Variants in CENPK observed in about 807,000 individuals in gnomAD.
CENPK encodes the protein centromere protein K.
Under a neutral mutation model 40.9 loss-of-function variants are expected in CENPK, and 46 were observed. The ratio of observed to expected loss-of-function variants is 1.13; its 90% CI spans 0.89 to 1.44. The LOEUF is 1.44. CENPK is among the 40% of genes most tolerant of loss of function. CENPK has a pLI of 0.00. For synonymous variants in CENPK, 107 were observed against 104.4 expected, an observed-to-expected ratio of 1.02 and a Z score of -0.15; for missense variants, 288 against 303.5, an observed-to-expected ratio of 0.95 and a Z score of 0.38.
At chr5:65,511,644 T>C in the CENPK span, among the ~76,000 whole-genome samples, 2 of 152,176 alleles carry the variant, frequency 1.3e-5, no homozygotes, top group African/African-American at 4.8e-5. Flanking sequence ...GAGTGAGCAT[T>C]ATGGCCTGAG....
chr5:65,537,905 A>G (rs1358236146), intron 6 of CENPK, among the ~76,000 whole-genome samples: 1 of 152,200 alleles, frequency 6.6e-6, no homozygotes, highest in Non-Finnish European at 1.5e-5. Flanking sequence ...TTGGATACAT[A>G]CATGTTTTCA....
chr5:65,556,720 C>T (rs1487224886), intron 2 of CENPK, among the ~76,000 whole-genome samples: 1 of 152,188 alleles, frequency 6.6e-6, no homozygotes, highest in African/African-American at 2.4e-5. Context: ...TTCATATCTT[C>T]TCACAACTCA....
rs140006393 is a variant in CENPK at position 65,550,920 on chromosome 5, A to AGTAACT, written c.241+643_241+644insAGTTAC. 1.1e-3 allele frequency: 172 copies of AGTAACT among 157,236 alleles called. 2 individuals carry two copies. The highest frequency in any genetic ancestry group is 9.3e-3 in the Admixed American group (143 of 15,414). 9.7% of individuals were successfully genotyped at this position (157,236 alleles called of 1,614,324 possible). A position where few individuals can be genotyped will look rare whatever the true frequency, so the allele number is the denominator to read the frequency against. The stretch of plus-strand genomic sequence containing the variant: ...CCTTTTGTGTAAGTATCTAAAATAA[A>AGTAACT]TTATAACTTTTCTCTTCCACTAGGT... On this transcript the variant is annotated intron_variant, in intron 5 of 10. Transcript: ENST00000396679.
At chr5:65,503,768 T>C in the CENPK span, among the ~76,000 whole-genome samples, 1 of 151,826 alleles carries the variant, frequency 6.6e-6, no homozygotes, top group Admixed American at 6.6e-5. Context: ...AGCAATTCTC[T>C]GCCTCAGCCT....
intron 5 of CENPK, among the ~76,000 whole-genome samples, chr5:65,545,403 C>T (rs993533569): frequency 4.0e-5 from 6 of 149,722 alleles, no homozygotes; most frequent in Non-Finnish European, 5.9e-5. Flanking sequence ...AAAGCAAAAC[C>T]GATCAGAATG....
At chr5:65,498,334 T>C in the CENPK span, among the ~76,000 whole-genome samples, 17 of 152,058 alleles carry the variant, frequency 1.1e-4, 1 homozygote, top group East Asian at 2.5e-3. Flanking sequence ...TTTTTGTACG[T>C]GATTGCTTTA....
chr5:65,504,568 G>T, the CENPK span, among the ~76,000 whole-genome samples: 1 of 151,140 alleles, frequency 6.6e-6, no homozygotes, highest in Non-Finnish European at 1.5e-5. Context: ...GCACTTTTGT[G>T]CATATGATAT....
chr5:65,522,739 T>C (rs1338863647), intron 9 of CENPK, among the ~76,000 whole-genome samples: 3 of 152,150 alleles, frequency 2.0e-5, no homozygotes, highest in Non-Finnish European at 4.4e-5. Flanking sequence ...CTCAATTACT[T>C]TTCATATGGC....
At chr5:65,525,491 A>G (rs764328074) in intron 9 of CENPK, among the ~76,000 whole-genome samples, 2 of 152,166 alleles carry the variant, frequency 1.3e-5, no homozygotes, top group Non-Finnish European at 2.9e-5. Flanking sequence ...GATGTCTCAA[A>G]TGACATTCAC....
downstream of CENPK, among the ~76,000 whole-genome samples, chr5:65,515,244 C>T (rs1021172103): frequency 7.6e-6 from 1 of 131,528 alleles, no homozygotes; most frequent in Non-Finnish European, 1.5e-5. Flanking sequence ...TGCTCTGTCG[C>T]CCAAGCTGGA....
chr5:65,552,814 G>T (rs558423221), intron 3 of CENPK, among the ~76,000 whole-genome samples: 32 of 149,990 alleles, frequency 2.1e-4, no homozygotes, highest in Non-Finnish European at 4.3e-4. Context: ...TGAATTATAA[G>T]TCAGATAATT....
downstream of CENPK, among the ~76,000 whole-genome samples, chr5:65,515,991 G>GT (rs1742826950): frequency 6.6e-6 from 1 of 152,168 alleles, no homozygotes; most frequent in Admixed American, 6.5e-5. Flanking sequence ...CCTTCTAGTT[G>GT]TATCTTCACA....
the CENPK span, among the ~76,000 whole-genome samples, chr5:65,497,935 AT>A: frequency 6.6e-6 from 1 of 152,228 alleles, no homozygotes; most frequent in African/African-American, 2.4e-5. Flanking sequence ...TTAAGTTAGA[AT>A]AAAAACAATA....
intron 6 of CENPK, among the ~76,000 whole-genome samples, chr5:65,537,807 A>C (rs765665547): frequency 1.3e-5 from 2 of 152,062 alleles, no homozygotes; most frequent in Non-Finnish European, 2.9e-5. Flanking sequence ...CATTTTATTC[A>C]TTCATTAATT....
chr5:65,533,869 C>T (rs1372684470), intron 6 of CENPK, among the ~76,000 whole-genome samples: 1 of 151,378 alleles, frequency 6.6e-6, no homozygotes, highest in African/African-American at 2.4e-5. Flanking sequence ...GGTGAAACCC[C>T]ATCTCTACTA....
At chr5:65,557,611 C>T (rs932292991) in intron 2 of CENPK, among the ~76,000 whole-genome samples, 3 of 152,244 alleles carry the variant, frequency 2.0e-5, no homozygotes, top group African/African-American at 7.2e-5. Flanking sequence ...CAGACATACA[C>T]ACGATCATTT....
At chr5:65,525,645 G>A (rs1295198712) in intron 9 of CENPK, among the ~76,000 whole-genome samples, 1 of 152,060 alleles carries the variant, frequency 6.6e-6, no homozygotes, top group Non-Finnish European at 1.5e-5. Context: ...ATTTATATGT[G>A]GAAGCCCTAA....
downstream of CENPK, among the ~76,000 whole-genome samples, chr5:65,516,692 C>T (rs981252487): frequency 7.3e-5 from 8 of 109,254 alleles, no homozygotes; most frequent in African/African-American, 2.4e-4. Context: ...TTTTACATCT[C>T]TACATGCTAA....
At chr5:65,511,652 G>A in the CENPK span, among the ~76,000 whole-genome samples, 1 of 152,212 alleles carries the variant, frequency 6.6e-6, no homozygotes, top group South Asian at 2.1e-4. Flanking sequence ...ATTATGGCCT[G>A]AGCTCCGCCT....
Sources: gnomAD v4.1 joint callset for allele counts (sites outside exome capture counted in the v4.1 genomes callset) on GRCh38, gnomAD v4.1.1 for gene constraint, MANE v1.5 for transcripts, NCBI Gene and HGNC (gene_info 2026-07-23, HGNC 2026-07-21) for gene names.